Variants in DCAF6 observed in about 807,000 individuals in gnomAD.
DCAF6 encodes the protein DDB1 and CUL4 associated factor 6, also known as DDB1- and CUL4-associated factor 6.
Under a neutral mutation model 125.1 loss-of-function variants are expected in DCAF6, and 54 were observed. The ratio of observed to expected loss-of-function variants is 0.43; its 90% CI spans 0.35 to 0.54. The LOEUF (loss-of-function observed/expected upper bound fraction) is 0.54, where lower values mean the gene tolerates loss of function less well. Ranked by LOEUF, DCAF6 falls within the 20% of genes least tolerant of loss-of-function variation. The pLI is 0.01. For missense variants in DCAF6, 934 were observed against 1,161.7 expected (o/e 0.80, Z 2.85); for synonymous variants, 371 against 390.4 (o/e 0.95, Z 0.58).
chr1:167,900,767 G>T, the DCAF6 span, among the ~76,000 whole-genome samples: 1 of 152,168 alleles, frequency 6.6e-6, no homozygotes, highest in African/African-American at 2.4e-5. Flanking sequence ...CCTGACCTCA[G>T]GTGATCCACC....
chr1:167,901,313 A>G, the DCAF6 span, among the ~76,000 whole-genome samples: 574 of 152,240 alleles, frequency 3.8e-3, 5 homozygotes, highest in African/African-American at 0.013. Context: ...GCTAGTCTCT[A>G]TTTTGTTTTA....
intron 12 of DCAF6, among the ~76,000 whole-genome samples, chr1:168,030,352 A>G (rs201537): frequency 8.2e-4 from 125 of 152,352 alleles, no homozygotes; most frequent in African/African-American, 2.8e-3. Flanking sequence ...CTGAGATGCC[A>G]CATACAGGAT....
At chr1:167,885,097 C>G in the DCAF6 span, among the ~76,000 whole-genome samples, 1 of 150,642 alleles carries the variant, frequency 6.6e-6, no homozygotes, top group African/African-American at 2.5e-5. Flanking sequence ...CACTTCCATC[C>G]ACGTTGTTGC....
intron 12 of DCAF6, among the ~76,000 whole-genome samples, chr1:168,024,831 C>G (rs1686134883): frequency 6.6e-6 from 1 of 151,048 alleles, no homozygotes; most frequent in Admixed American, 6.6e-5. Flanking sequence ...AAGATTATTC[C>G]TTATGGACCT....
In DCAF6 at chr1:167,971,263, T is replaced by G. The variant is rs75290899; in HGVS notation, c.253-3567T>G. 2.9e-3 allele frequency among the ~76,000 whole-genome samples: 448 copies of G among 152,356 alleles called. 1 individual carries two copies. Among genetic ancestry groups the G allele is most frequent in the African/African-American group, 0.01 (426 of 41,584 alleles). Reference sequence around the variant, plus strand: ...CCACTCCTTCATCTGTGTTCCTGTCTTGTGGATAACTCTATTATTATATTG... The same window carrying G: ...CCACTCCTTCATCTGTGTTCCTGTCGTGTGGATAACTCTATTATTATATTG... On this transcript the variant is annotated intron_variant, in intron 3 of 21. Transcript: ENST00000367840.
intron 17 of DCAF6, among the ~76,000 whole-genome samples, chr1:168,054,930 C>T (rs1054136495): frequency 2.6e-5 from 4 of 151,580 alleles, no homozygotes; most frequent in Non-Finnish European, 5.9e-5. Flanking sequence ...AATTCTCCTG[C>T]CTCAGCCTCC....
intron 2 of DCAF6, among the ~76,000 whole-genome samples, chr1:167,954,779 G>T (rs1674512648): frequency 6.6e-6 from 1 of 152,162 alleles, no homozygotes; most frequent in African/African-American, 2.4e-5. Flanking sequence ...GAGCTTTATT[G>T]AGATATGATC....
At chr1:167,875,925 C>T in the DCAF6 span, among the ~76,000 whole-genome samples, 2 of 151,740 alleles carry the variant, frequency 1.3e-5, no homozygotes, top group African/African-American at 2.4e-5. Context: ...TGCACTCCAG[C>T]GTGGGCAGCA....
In DCAF6 at chr1:168,003,975, G is replaced by T; in HGVS notation, c.1103G>T (p.Arg368Ile). ...GCACAAAGCAATAGAGGACGAGGAA[G>T]ATCTCGACCCAGAGGTAATTTTTAA... ...EVAQSNRGRG[R>I]SRPRGGTSQS... Residue 368 changes from arginine to isoleucine, a missense_variant, in exon 9 of 22, where the codon AGA becomes ATA. Physicochemically the swap from Arg to Ile is moderately conservative, Grantham distance 97. Around this residue, in one of 5 missense-constraint regions of DCAF6, gnomAD observed 559 missense variants for 635.5 expected, o/e 0.88. Transcript: ENST00000367840. The T allele has an allele frequency of 6.2e-7, 1 of 1,612,090 alleles. No individual in the cohort carries two copies. Among genetic ancestry groups the T allele is most frequent in the Non-Finnish European group, 8.5e-7 (1 of 1,178,962 alleles).
chr1:168,051,845 A>G (rs10918815), intron 17 of DCAF6, among the ~76,000 whole-genome samples: 8,987 of 150,410 alleles, frequency 0.06, 841 homozygotes, highest in African/African-American at 0.2. Flanking sequence ...TATATTTGAA[A>G]TAACTTTTTC....
chr1:168,003,829 A>C lies in DCAF6; in HGVS notation c.998-41A>C, dbSNP rs1224142502. On this transcript the variant is annotated intron_variant, in intron 8 of 21. Coordinates refer to ENST00000367840, the MANE Select transcript of DCAF6 (RefSeq NM_001198956.2). ...GTTTTTGTATTAATGAAAGATTCTG[A>C]CTTATTACTAAACTCACTGATAAGA... The C allele has an allele frequency of 3.9e-6, 6 of 1,536,308 alleles. No homozygotes were observed. The South Asian group carries it at 5.1e-5, about 13-fold the overall frequency.
Position 167,993,226 on chromosome 1 carries a change from G to T in DCAF6, c.689G>T (p.Gly230Val), listed in dbSNP as rs773380695. Residue 230 changes from glycine to valine, a missense_variant and splice_region_variant, in exon 7 of 22, where the codon GGG becomes GTG. Transcript: ENST00000367840. Reference protein sequence around the residue: ...DRRMLGTRATGNYAGRGTTGM... With the variant: ...DRRMLGTRATVNYAGRGTTGM... ...AAATAACTTCTTGTTTCTTTTTTAG[G>T]GAATTATGCAGGTCGAGGGACTACT... is the stretch of plus-strand genomic sequence containing the variant. 3.8e-6 allele frequency: 6 copies of T among 1,593,442 alleles called. No individual in the cohort carries two copies. Among genetic ancestry groups the T allele is most frequent in the Non-Finnish European group, 5.1e-6 (6 of 1,173,596 alleles).
upstream of DCAF6, among the ~76,000 whole-genome samples, chr1:167,934,656 C>T (rs1671015035): frequency 6.6e-6 from 1 of 152,164 alleles, no homozygotes; most frequent in South Asian, 2.1e-4. Flanking sequence ...GGTTCATAAT[C>T]AGATAATGGG....
chr1:167,925,744 TC>T, the DCAF6 span, among the ~76,000 whole-genome samples: 1 of 151,754 alleles, frequency 6.6e-6, no homozygotes, highest in Non-Finnish European at 1.5e-5. Flanking sequence ...AGACAGGGTT[TC>T]ACCATGTTGG....
At chr1:167,894,374 G>A in the DCAF6 span, among the ~76,000 whole-genome samples, 4 of 152,064 alleles carry the variant, frequency 2.6e-5, no homozygotes, top group African/African-American at 7.2e-5. Context: ...GCTTGATACC[G>A]CTTCACTGTG....
chr1:167,959,922 A>G (rs1201879427), intron 2 of DCAF6, among the ~76,000 whole-genome samples: 1 of 152,136 alleles, frequency 6.6e-6, no homozygotes, highest in Non-Finnish European at 1.5e-5. Flanking sequence ...GTACTTAATA[A>G]ATTATCACCA....
chr1:168,050,560 A>G (rs768315366), intron 16 of DCAF6, among the ~76,000 whole-genome samples: 1 of 152,120 alleles, frequency 6.6e-6, no homozygotes, highest in Non-Finnish European at 1.5e-5. Flanking sequence ...AGGAGCATGT[A>G]CGTGTTCCAG....
At chr1:168,032,398 A>G (rs1329370732) in intron 12 of DCAF6, among the ~76,000 whole-genome samples, 2 of 152,156 alleles carry the variant, frequency 1.3e-5, no homozygotes, top group Non-Finnish European at 2.9e-5. Context: ...TTGGAAGGAG[A>G]ATTGGAGATC....
chr1:167,965,391 T>C (rs931804851), intron 2 of DCAF6, among the ~76,000 whole-genome samples: 4 of 152,196 alleles, frequency 2.6e-5, no homozygotes, highest in Admixed American at 1.3e-4. Flanking sequence ...AGTTAGGCTC[T>C]AATAAAACCT....
Sources: allele counts gnomAD v4.1 joint callset (sites outside exome capture counted in the v4.1 genomes callset), GRCh38; gene constraint gnomAD v4.1.1; regional missense constraint gnomAD v4.1.1; transcripts MANE v1.5; gene names NCBI Gene and HGNC (gene_info 2026-07-23, HGNC 2026-07-21).